LAMA2: variants seen among roughly 807,000 people sequenced by gnomAD.
LAMA2 encodes laminin subunit alpha 2.
In LAMA2, 269 loss-of-function variants were observed where a neutral mutation model predicts 364.8. The observed-to-expected ratio is 0.74, with a 90% CI of 0.67 to 0.82. The LOEUF (loss-of-function observed/expected upper bound fraction) is 0.82. Ranked by LOEUF, LAMA2 falls within the 40% of genes least tolerant of loss-of-function variation. The pLI, the probability that LAMA2 is intolerant of heterozygous loss-of-function variation, is 0.00. For missense variants in LAMA2, 3,807 were observed against 3,873.2 expected (o/e 0.98, Z 0.45); for synonymous variants, 1,379 against 1,370.6 (o/e 1.01, Z -0.14).
At chr6:129,062,463 A>G (rs1788989612) in intron 3 of LAMA2, among the ~76,000 whole-genome samples, 1 of 152,102 alleles carries the variant, frequency 6.6e-6, no homozygotes, top group African/African-American at 2.4e-5. Context: ...CTCCAAATGT[A>G]GTTCAGGTTC....
intron 1 of LAMA2, among the ~76,000 whole-genome samples, chr6:129,006,105 A>G (rs930293218): frequency 6.6e-6 from 1 of 152,136 alleles, no homozygotes; most frequent in Admixed American, 6.6e-5. Flanking sequence ...TTGGCAGTTT[A>G]TCATAAAGAT....
At chr6:129,090,824 A>G (rs941007973) in intron 3 of LAMA2, among the ~76,000 whole-genome samples, 1 of 152,172 alleles carries the variant, frequency 6.6e-6, no homozygotes, top group Non-Finnish European at 1.5e-5. Context: ...GTTTCTGGTC[A>G]TTGATCAGCA....
At chr6:129,265,356 G>GT (rs1562393945) in intron 15 of LAMA2, among the ~76,000 whole-genome samples, 2 of 152,146 alleles carry the variant, frequency 1.3e-5, no homozygotes, top group Non-Finnish European at 2.9e-5. Context: ...GACGTGGTAT[G>GT]AGTACTGCAT....
chr6:128,946,557 C>T (rs560176061), intron 1 of LAMA2, among the ~76,000 whole-genome samples: 3 of 152,222 alleles, frequency 2.0e-5, no homozygotes, highest in South Asian at 4.2e-4. Flanking sequence ...ATCACAAAAT[C>T]GAAAAATACG....
chr6:129,248,164 T>C (rs760572126), intron 12 of LAMA2, among the ~76,000 whole-genome samples: 1 of 152,192 alleles, frequency 6.6e-6, no homozygotes, highest in Non-Finnish European at 1.5e-5. Flanking sequence ...GGATCTAGGC[T>C]GCACGCTCCT....
intron 1 of LAMA2, chr6:128,929,098 C>T (rs1248282959): frequency 1.4e-6 from 2 of 1,458,118 alleles, no homozygotes; most frequent in East Asian, 2.3e-5. Flanking sequence ...CTGTGGACCG[C>T]AGCAGCGTTT....
chr6:129,136,958 C>T (rs1330010473), intron 4 of LAMA2, among the ~76,000 whole-genome samples: 2 of 152,110 alleles, frequency 1.3e-5, no homozygotes, highest in African/African-American at 2.4e-5. Context: ...GGTTACAGGT[C>T]ACCCATCCGT....
chr6:129,007,721 T>G (rs1268948756), intron 1 of LAMA2, among the ~76,000 whole-genome samples: 1 of 152,224 alleles, frequency 6.6e-6, no homozygotes, highest in Non-Finnish European at 1.5e-5. Context: ...GTCAGAAATA[T>G]CAAAATCCTT....
intron 55 of LAMA2, among the ~76,000 whole-genome samples, chr6:129,483,556 G>T (rs1445798587): frequency 2.0e-5 from 3 of 152,048 alleles, no homozygotes; most frequent in African/African-American, 4.8e-5. Context: ...TTAAAAATAT[G>T]TCATTTCTCC....
intron 44 of LAMA2, among the ~76,000 whole-genome samples, chr6:129,444,685 A>T (rs1399853681): frequency 2.6e-5 from 4 of 152,314 alleles, no homozygotes; most frequent in Non-Finnish European, 2.9e-5. Context: ...AGCACATGTG[A>T]TTCGTTCCTG....
intron 1 of LAMA2, among the ~76,000 whole-genome samples, chr6:128,940,202 C>T (rs912370984): frequency 2.0e-5 from 3 of 152,018 alleles, no homozygotes; most frequent in African/African-American, 7.3e-5. Flanking sequence ...CTCCACTTAC[C>T]CTACTGAATT....
intron 1 of LAMA2, among the ~76,000 whole-genome samples, chr6:128,916,992 C>T (rs1436316535): frequency 6.6e-6 from 1 of 152,100 alleles, no homozygotes; most frequent in South Asian, 2.1e-4. Flanking sequence ...TCTCTTTCCC[C>T]CTGACATTAT....
intron 16 of LAMA2, among the ~76,000 whole-genome samples, chr6:129,269,649 A>G (rs1787782481): frequency 6.6e-6 from 1 of 152,068 alleles, no homozygotes; most frequent in South Asian, 2.1e-4. Context: ...TGAAGACATA[A>G]TTTTAGTTGT....
chr6:129,233,713 G>A (rs554975784), intron 12 of LAMA2, among the ~76,000 whole-genome samples: 1 of 152,132 alleles, frequency 6.6e-6, no homozygotes, highest in Non-Finnish European at 1.5e-5. Flanking sequence ...TCAAACCTGT[G>A]TTGTTCAGGT....
At chr6:129,227,329 C>T (rs1041812520) in intron 12 of LAMA2, among the ~76,000 whole-genome samples, 1 of 152,226 alleles carries the variant, frequency 6.6e-6, no homozygotes, top group Non-Finnish European at 1.5e-5. Flanking sequence ...CTTCTCTCAA[C>T]TCCTCAAAGT....
intron 4 of LAMA2, among the ~76,000 whole-genome samples, chr6:129,099,125 G>GTTTTT (rs370334822): frequency 3.1e-5 from 4 of 129,792 alleles, no homozygotes; most frequent in East Asian, 2.2e-4. Context: ...TTTTTTTTTT[G>GTTTTT]TTTTTTTTTT....
intron 1 of LAMA2, among the ~76,000 whole-genome samples, chr6:128,920,847 A>C (rs1050625440): frequency 6.6e-6 from 1 of 152,120 alleles, no homozygotes; most frequent in Non-Finnish European, 1.5e-5. Context: ...GGATGTTGAG[A>C]GTATGAAGCA....
At chr6:129,021,090 T>C (rs577156081) in intron 1 of LAMA2, among the ~76,000 whole-genome samples, 30 of 152,332 alleles carry the variant, frequency 2.0e-4, no homozygotes, top group Non-Finnish European at 3.5e-4. Context: ...AAGTAACTCT[T>C]AGAAGTTTCT....
At chr6:129,158,946 A>T (rs760227054) in intron 8 of LAMA2, 11 of 1,595,748 alleles carry the variant, frequency 6.9e-6, no homozygotes, top group Non-Finnish European at 9.5e-6. Flanking sequence ...TAGCACTTGA[A>T]AAAAGGCAAG....
Sources: allele counts gnomAD v4.1 joint callset (sites outside exome capture counted in the v4.1 genomes callset), GRCh38; gene constraint gnomAD v4.1.1; transcripts MANE v1.5; gene names NCBI Gene and HGNC (gene_info 2026-07-23, HGNC 2026-07-21).